RBPJ: variants seen among roughly 807,000 people sequenced by gnomAD.
The protein encoded by RBPJ is recombining binding protein suppressor of hairless.
A neutral mutation model predicts 67.8 loss-of-function variants in RBPJ; 9 were observed. The observed-to-expected ratio is 0.13, with a 90% confidence interval of 0.08 to 0.23. The LOEUF (loss-of-function observed/expected upper bound fraction) is 0.23. Ranked by LOEUF, RBPJ falls within the 10% of genes least tolerant of loss-of-function variation. RBPJ has a pLI of 1.00. For missense variants in RBPJ, 305 were observed against 595.6 expected (o/e 0.51, Z 5.08); for synonymous variants, 198 against 203.3 (o/e 0.97, Z 0.22).
upstream of RBPJ, among the ~76,000 whole-genome samples, chr4:26,158,713 T>C (rs1039342049): frequency 1.3e-5 from 2 of 152,202 alleles, no homozygotes; most frequent in African/African-American, 2.4e-5. Context: ...CTGTCAATGG[T>C]GTAGACTTTG....
chr4:26,183,307 C>T (rs551273710), intron 1 of RBPJ, among the ~76,000 whole-genome samples: 49 of 152,332 alleles, frequency 3.2e-4, no homozygotes, highest in African/African-American at 1.1e-3. Context: ...GGACCACCCT[C>T]ATATATGTGG....
intron 2 of RBPJ, among the ~76,000 whole-genome samples, chr4:26,393,698 T>C (rs1481212745): frequency 6.6e-6 from 1 of 152,124 alleles, no homozygotes; most frequent in Non-Finnish European, 1.5e-5. Flanking sequence ...TTAAAATGTT[T>C]TTTTTTCCTC....
intron 1 of RBPJ, among the ~76,000 whole-genome samples, chr4:26,214,480 A>AGG (rs1718554063): frequency 8.9e-6 from 1 of 112,320 alleles, no homozygotes; most frequent in South Asian, 3.7e-4. Flanking sequence ...AGAAAGAGAA[A>AGG]CAAGGAGGGA....
In RBPJ at chr4:26,434,005, G is replaced by C. The variant is rs10005515; in HGVS notation, c.*2998G>C. 5.5e-4 allele frequency: 84 copies of C among 152,254 alleles called. No individual in the cohort carries two copies. Among genetic ancestry groups the C allele is most frequent in the African/African-American group, 2.0e-3 (83 of 41,546 alleles). The allele number at this position is 152,254 out of a possible 1,614,324, so 9.4% of individuals were successfully genotyped here. The stretch of plus-strand genomic sequence containing the variant: ...GCAGTTTCTAAACATACACATAGAA[G>C]CTGAGTCTCTGATCCAATATGTTTT... On this transcript the variant is annotated 3_prime_UTR_variant, in exon 11 of 11. Transcript: ENST00000355476.
intron 5 of RBPJ, among the ~76,000 whole-genome samples, chr4:26,422,509 A>G (rs1166281077): frequency 6.6e-6 from 1 of 152,226 alleles, no homozygotes; most frequent in African/African-American, 2.4e-5. Context: ...TCATTTGCAG[A>G]ATAATAACAT....
the RBPJ span, among the ~76,000 whole-genome samples, chr4:26,153,731 C>T: frequency 6.6e-6 from 1 of 152,158 alleles, no homozygotes; most frequent in Non-Finnish European, 1.5e-5. Flanking sequence ...CATATTATAA[C>T]TTAGGCCGTT....
At chr4:26,265,831 G>A (rs1476199514) in intron 1 of RBPJ, among the ~76,000 whole-genome samples, 2 of 152,074 alleles carry the variant, frequency 1.3e-5, no homozygotes, top group African/African-American at 2.4e-5. Flanking sequence ...GAGGTCAGGA[G>A]TTCAAGACCA....
chr4:26,420,319 A>G (rs1489111284), intron 4 of RBPJ, among the ~76,000 whole-genome samples: 2 of 152,194 alleles, frequency 1.3e-5, no homozygotes, highest in African/African-American at 4.8e-5. Context: ...TCTTTTAAAG[A>G]GGATACAATA....
intron 2 of RBPJ, among the ~76,000 whole-genome samples, chr4:26,399,634 A>G (rs1732554000): frequency 6.6e-6 from 1 of 152,210 alleles, no homozygotes; most frequent in South Asian, 2.1e-4. Flanking sequence ...GGCATTTGCC[A>G]TAATTCCATA....
At chr4:26,347,813 C>T (rs984966980) in intron 1 of RBPJ, among the ~76,000 whole-genome samples, 1 of 152,140 alleles carries the variant, frequency 6.6e-6, no homozygotes, top group African/African-American at 2.4e-5. Context: ...TGTGCTGCTT[C>T]TCATGTGTTA....
upstream of RBPJ, chr4:26,320,728 C>T (rs746208646): frequency 6.5e-7 from 1 of 1,549,670 alleles, no homozygotes; most frequent in East Asian, 2.4e-5. Context: ...AAAGCGCGTC[C>T]TAAAACCCGG....
chr4:26,340,801 G>A (rs1725435692), intron 1 of RBPJ, among the ~76,000 whole-genome samples: 1 of 151,506 alleles, frequency 6.6e-6, no homozygotes, highest in Non-Finnish European at 1.5e-5. Flanking sequence ...GGAGGTTGCA[G>A]TGAGCTGAGA....
chr4:26,200,215 A>G (rs1175530932), intron 1 of RBPJ, among the ~76,000 whole-genome samples: 2 of 152,260 alleles, frequency 1.3e-5, no homozygotes, highest in Admixed American at 1.3e-4. Flanking sequence ...AGTCACAGTT[A>G]TGACACAAAA....
At chr4:26,419,160 G>A (rs546231631) in intron 4 of RBPJ, among the ~76,000 whole-genome samples, 7 of 152,098 alleles carry the variant, frequency 4.6e-5, no homozygotes, top group Admixed American at 4.6e-4. Context: ...TGTGTTTTTC[G>A]TAGAGATGGG....
At chr4:26,239,085 C>G (rs1467088) in intron 1 of RBPJ, among the ~76,000 whole-genome samples, 5 of 152,162 alleles carry the variant, frequency 3.3e-5, no homozygotes, top group Admixed American at 3.3e-4. Flanking sequence ...ACCAAAGCAA[C>G]GACTGCTCAG....
Position 26,268,739 on chromosome 4 carries a change from G to T in RBPJ, c.-166-93707G>T, listed in dbSNP as rs190684344. ...TGTCTAAGGTCAAGCCTGGCTGAGG[G>T]GGGAGGGGCAGCTGCAGCAGAGGCG... On this transcript the variant is annotated intron_variant, in intron 1 of 4. Coordinates refer to the RBPJ transcript ENST00000512351. Among the ~76,000 whole-genome samples the T allele has an allele frequency of 1.4e-4, 22 of 152,142 alleles. No individual in the cohort carries two copies. The East Asian group carries it at 3.7e-3, about 25-fold the overall frequency.
the RBPJ span, among the ~76,000 whole-genome samples, chr4:26,150,334 A>G: frequency 2.0e-5 from 3 of 152,192 alleles, no homozygotes; most frequent in African/African-American, 7.2e-5. Flanking sequence ...CAACATGGCC[A>G]AGATCTCACT....
chr4:26,144,804 C>A, the RBPJ span, among the ~76,000 whole-genome samples: 4 of 152,184 alleles, frequency 2.6e-5, no homozygotes, highest in Non-Finnish European at 4.4e-5. Context: ...GGGTGACAGA[C>A]TGGGGAAGCC....
upstream of RBPJ, chr4:26,319,542 C>G: frequency 3.5e-6 from 1 of 289,510 alleles, no homozygotes. Context: ...CGGAGCTGGT[C>G]TAGGCAAACA....
Sources: gnomAD v4.1 joint callset for allele counts (sites outside exome capture counted in the v4.1 genomes callset) on GRCh38, gnomAD v4.1.1 for gene constraint, MANE v1.5 for transcripts, NCBI Gene and HGNC (gene_info 2026-07-23, HGNC 2026-07-21) for gene names.